Variants in CEP128 observed in about 807,000 individuals in gnomAD.
The protein encoded by CEP128 is centrosomal protein 128.
A neutral mutation model predicts 156.7 loss-of-function variants in CEP128; 132 were observed. The ratio of observed to expected loss-of-function variants is 0.84; its 90% confidence interval spans 0.73 to 0.97. The LOEUF (loss-of-function observed/expected upper bound fraction) is 0.97, where lower values mean the gene tolerates loss of function less well. Ranked by LOEUF, CEP128 falls within the 50% of genes least tolerant of loss-of-function variation. CEP128 has a pLI of 0.00. For missense variants in CEP128, 1,252 were observed against 1,281.9 expected (o/e 0.98, Z 0.36); for synonymous variants, 469 against 448.9 (o/e 1.04, Z -0.57).
chr14:80,887,143 C>G (rs1888845690), intron 8 of CEP128, among the ~76,000 whole-genome samples: 1 of 152,178 alleles, frequency 6.6e-6, no homozygotes, highest in South Asian at 2.1e-4. Context: ...ACTTAGAGAT[C>G]TACAAAGAGA....
intron 19 of CEP128, among the ~76,000 whole-genome samples, chr14:80,611,235 T>C (rs2140583638): frequency 6.6e-6 from 1 of 151,672 alleles, no homozygotes; most frequent in South Asian, 2.1e-4. Flanking sequence ...TATTAAACAT[T>C]CAAAGACTAA....
chr14:80,705,118 A>G (rs1897196963), intron 19 of CEP128, among the ~76,000 whole-genome samples: 1 of 152,046 alleles, frequency 6.6e-6, no homozygotes, highest in Admixed American at 6.6e-5. Flanking sequence ...AATCCTTAAC[A>G]GCATATCATG....
intron 21 of CEP128, among the ~76,000 whole-genome samples, chr14:80,535,152 T>C (rs902770179): frequency 6.6e-6 from 1 of 152,154 alleles, no homozygotes; most frequent in Non-Finnish European, 1.5e-5. Context: ...ATAATTCAAA[T>C]TTGAATACAC....
At chr14:80,730,146 AAATT>A (rs1180039326) in intron 19 of CEP128, among the ~76,000 whole-genome samples, 2 of 152,210 alleles carry the variant, frequency 1.3e-5, no homozygotes, top group African/African-American at 4.8e-5. Context: ...AAAAATAAGA[AAATT>A]AATTTCTGTA....
chr14:80,836,127 G>T, intron 12 of CEP128, 78 bp downstream of exon 12: 2 of 1,332,008 alleles, frequency 1.5e-6, no homozygotes, highest in Non-Finnish European at 2.1e-6. Context: ...CAATTCTGAG[G>T]ATGAAAAGTA....
intron 23 of CEP128, among the ~76,000 whole-genome samples, chr14:80,513,637 T>C (rs888390418): frequency 1.3e-5 from 2 of 152,186 alleles, no homozygotes; most frequent in Non-Finnish European, 2.9e-5. Flanking sequence ...TAAGCTCTAT[T>C]TTTTAATCTT....
At chr14:80,739,791 T>C (rs1395074457) in intron 19 of CEP128, among the ~76,000 whole-genome samples, 1 of 152,156 alleles carries the variant, frequency 6.6e-6, no homozygotes, top group Non-Finnish European at 1.5e-5. Context: ...ACGAAATGAA[T>C]AAAATATAAA....
At chr14:80,566,480 A>G (rs1566784007) in intron 20 of CEP128, among the ~76,000 whole-genome samples, 1 of 152,244 alleles carries the variant, frequency 6.6e-6, no homozygotes, top group East Asian at 1.9e-4. Context: ...ACAAAAGGTC[A>G]GCATTTCTTA....
chr14:80,754,450 T>C (rs111916678), intron 18 of CEP128, among the ~76,000 whole-genome samples: 8 of 149,982 alleles, frequency 5.3e-5, no homozygotes, highest in African/African-American at 1.5e-4. Flanking sequence ...ACCAGGACAA[T>C]GTCCTGTTCT....
At chr14:80,542,040 G>A (rs918658143) in intron 21 of CEP128, among the ~76,000 whole-genome samples, 7 of 152,212 alleles carry the variant, frequency 4.6e-5, no homozygotes, top group Non-Finnish European at 1.0e-4. Flanking sequence ...TTGGCATGCG[G>A]TAAGCACTCA....
intron 12 of CEP128, among the ~76,000 whole-genome samples, chr14:80,831,608 G>GT (rs1287483892): frequency 1.4e-5 from 2 of 138,594 alleles, no homozygotes; most frequent in African/African-American, 5.4e-5. Context: ...TCTCCAAACA[G>GT]TAAAAAAAAA....
chr14:80,931,617 C>T (rs1035196762), intron 2 of CEP128, among the ~76,000 whole-genome samples: 1 of 152,144 alleles, frequency 6.6e-6, no homozygotes, highest in Admixed American at 6.5e-5. Context: ...TTCAGTGACA[C>T]AGAATGGGTT....
At chr14:80,573,159 A>G (rs1401244365) in intron 20 of CEP128, among the ~76,000 whole-genome samples, 1 of 151,448 alleles carries the variant, frequency 6.6e-6, no homozygotes, top group Non-Finnish European at 1.5e-5. Context: ...TCCTGACCTC[A>G]GGTGATCCAC....
At chr14:80,705,616 C>A (rs558582482) in intron 19 of CEP128, among the ~76,000 whole-genome samples, 1 of 151,970 alleles carries the variant, frequency 6.6e-6, no homozygotes, top group African/African-American at 2.4e-5. Flanking sequence ...ATTTTGTAAC[C>A]AATAGAATGC....
intron 23 of CEP128, among the ~76,000 whole-genome samples, chr14:80,524,215 T>A (rs1314151869): frequency 1.3e-5 from 2 of 152,206 alleles, no homozygotes; most frequent in Non-Finnish European, 2.9e-5. Flanking sequence ...GTACAGTATG[T>A]TTGTTGCATT....
chr14:80,508,603 A>C (rs754706437), intron 23 of CEP128, among the ~76,000 whole-genome samples: 5 of 152,272 alleles, frequency 3.3e-5, no homozygotes, highest in Non-Finnish European at 7.4e-5. Flanking sequence ...TCTTGGTACA[A>C]AAACTTTTGT....
chr14:80,807,556 G>A (rs1566640306), intron 13 of CEP128, among the ~76,000 whole-genome samples: 2 of 152,206 alleles, frequency 1.3e-5, no homozygotes, highest in African/African-American at 4.8e-5. Context: ...TGAAGACCCA[G>A]CGGGGCTAGG....
intron 13 of CEP128, among the ~76,000 whole-genome samples, chr14:80,803,215 C>A (rs1201504117): frequency 6.6e-6 from 1 of 152,078 alleles, no homozygotes; most frequent in Non-Finnish European, 1.5e-5. Flanking sequence ...ATGAGCCATT[C>A]TTTGTGCTCT....
At chr14:80,492,539 A>AAG (rs1198005088), downstream of CEP128, among the ~76,000 whole-genome samples, 2 of 152,178 alleles carry the variant, frequency 1.3e-5, no homozygotes, top group African/African-American at 2.4e-5. Flanking sequence ...AAGGATATCA[A>AAG]AGAGAGAGAG....
Sources: gnomAD v4.1 joint callset for allele counts (sites outside exome capture counted in the v4.1 genomes callset) on GRCh38, gnomAD v4.1.1 for gene constraint, MANE v1.5 for transcripts, NCBI Gene and HGNC (gene_info 2026-07-23, HGNC 2026-07-21) for gene names.